RNF43: variants seen among roughly 807,000 people sequenced by gnomAD.
The protein encoded by RNF43 is ring finger protein 43, also known as E3 ubiquitin-protein ligase RNF43.
A neutral mutation model predicts 78.4 loss-of-function variants in RNF43; 37 were observed. That is an observed-to-expected ratio of 0.47 (90% confidence interval 0.36 to 0.62). The LOEUF is 0.62. RNF43 is among the 20% of genes least tolerant of loss of function. The pLI, the probability that RNF43 is intolerant of heterozygous loss-of-function variation, is 0.00. For missense variants in RNF43, 774 were observed against 1,007.9 expected, an observed-to-expected ratio of 0.77 and a Z score of 3.14; for synonymous variants, 347 against 395.0, an observed-to-expected ratio of 0.88 and a Z score of 1.44.
At chr17:58,402,097 G>A (rs1041807545) in intron 2 of RNF43, among the ~76,000 whole-genome samples, 4 of 152,154 alleles carry the variant, frequency 2.6e-5, no homozygotes, top group African/African-American at 9.7e-5. Flanking sequence ...ATAGACAATT[G>A]ATTATTTTTA....
At chr17:58,377,964 G>C (rs1038699830) in intron 2 of RNF43, among the ~76,000 whole-genome samples, 1 of 152,036 alleles carries the variant, frequency 6.6e-6, no homozygotes, top group Non-Finnish European at 1.5e-5. Context: ...GCAGATATGG[G>C]GGTGGGAAAA....
At position 58,354,492 on chromosome 17, in the gene RNF43, C is replaced by A. The variant is rs975700184; in HGVS notation, c.*451G>T. 3.6e-6 allele frequency: 1 copy of A among 274,472 alleles called. No homozygotes were observed. Among genetic ancestry groups the A allele is most frequent in the East Asian group, 5.1e-5 (1 of 19,506 alleles). The allele number at this position is 274,472 out of a possible 1,614,324, so 17.0% of individuals were successfully genotyped here. On this transcript the variant is annotated 3_prime_UTR_variant, in exon 10 of 10. Transcript: ENST00000407977. Reference sequence around the variant, plus strand: ...GGCCAAAGCTGGTGTTCAGAGCTCACCCAAGGAGGGAGGTGATAAGGTGTC... The same window carrying A: ...GGCCAAAGCTGGTGTTCAGAGCTCAACCAAGGAGGGAGGTGATAAGGTGTC...
At position 58,357,331 on chromosome 17, in the gene RNF43, G is replaced by T. The variant is rs766391168; in HGVS notation, c.2308+137C>A. The T allele has an allele frequency of 7.3e-6, 8 of 1,097,184 alleles. No individual in the cohort carries two copies. Among genetic ancestry groups the T allele is most frequent in the Middle Eastern group, 1.9e-4 (1 of 5,130 alleles). 68.0% of individuals were successfully genotyped at this position (1,097,184 alleles called of 1,614,324 possible). ...GCCAGCATGATACGCTGTCCCGATGGTTAAGTATTTTGGTTGTCATCTCTG... is the reference window on the plus strand; with the variant it reads ...GCCAGCATGATACGCTGTCCCGATGTTTAAGTATTTTGGTTGTCATCTCTG... On this transcript the variant is annotated intron_variant, in intron 9 of 9. Transcript: ENST00000407977. This position sits in a 1 kb window ranked among gnomAD's most constrained non-coding sequence, Gnocchi z 4.5.
chr17:58,378,225 T>C (rs1660779812), intron 2 of RNF43, among the ~76,000 whole-genome samples: 1 of 152,144 alleles, frequency 6.6e-6, no homozygotes, highest in Admixed American at 6.6e-5. Flanking sequence ...GCTGGGGAAT[T>C]GTCGAGAGGA....
rs2143449168 is a variant in RNF43 at position 58,360,973 on chromosome 17, G to A, written c.688-29C>T. 2 of 1,514,770 alleles carry A rather than the reference G, an allele frequency of 1.3e-6. No individual in the cohort carries two copies. Among genetic ancestry groups the A allele is most frequent in the South Asian group, 2.6e-5 (2 of 75,898 alleles). The allele number at this position is 1,514,770 out of a possible 1,614,324, so 93.8% of individuals were successfully genotyped here. A position where few individuals can be genotyped will look rare whatever the true frequency, so the allele number is the denominator to read the frequency against. The stretch of plus-strand genomic sequence containing the variant: ...GGAAGAGGAATGGGGCTCAGATTGG[G>A]GCATGGGCTCCCCTTCCCTCCCTCT... On this transcript the variant is annotated intron_variant, in intron 6 of 9. Coordinates refer to ENST00000407977, the MANE Select transcript of RNF43 (RefSeq NM_017763.6). This position sits in a 1 kb window ranked among gnomAD's most constrained non-coding sequence, Gnocchi z 4.3.
chr17:58,382,406 G>C (rs552540323), intron 2 of RNF43, among the ~76,000 whole-genome samples: 1 of 152,282 alleles, frequency 6.6e-6, no homozygotes, highest in East Asian at 1.9e-4. Context: ...ATCAGGATAT[G>C]ATTATTTTCA....
intron 3 of RNF43, among the ~76,000 whole-genome samples, chr17:58,364,816 C>T (rs1972915445): frequency 6.6e-6 from 1 of 152,248 alleles, no homozygotes; most frequent in Admixed American, 6.5e-5. Context: ...ACTTTGATCT[C>T]TGCCTGTCTT....
intron 2 of RNF43, among the ~76,000 whole-genome samples, chr17:58,379,132 C>T (rs572887677): frequency 1.1e-4 from 16 of 152,140 alleles, no homozygotes; most frequent in Non-Finnish European, 8.8e-5. Flanking sequence ...ACACTGCCTC[C>T]GGGTATGCAC....
intron 6 of RNF43, 138 bp from the exon 7 acceptor site, chr17:58,361,082 G>C: frequency 1.2e-6 from 1 of 849,264 alleles, no homozygotes; most frequent in Non-Finnish European, 1.7e-6. Context: ...CGTCTCCTCG[G>C]AGCTCATATG....
intron 2 of RNF43, among the ~76,000 whole-genome samples, chr17:58,384,490 AGATT>A (rs1276799230): frequency 2.0e-5 from 3 of 152,232 alleles, no homozygotes; most frequent in African/African-American, 7.2e-5. Context: ...CCCTAAATTA[AGATT>A]ATTATTCAGC....
At chr17:58,387,272 A>T (rs1006438094) in intron 2 of RNF43, among the ~76,000 whole-genome samples, 1 of 152,136 alleles carries the variant, frequency 6.6e-6, no homozygotes, top group Non-Finnish European at 1.5e-5. Context: ...AGATATCATA[A>T]TTGGGCAGCT....
At chr17:58,393,723 C>T (rs937719643) in intron 2 of RNF43, among the ~76,000 whole-genome samples, 2 of 152,206 alleles carry the variant, frequency 1.3e-5, no homozygotes, top group African/African-American at 4.8e-5. Flanking sequence ...CAGATCATAA[C>T]TCATGTGCAT....
chr17:58,383,234 T>C (rs183808702), intron 2 of RNF43, among the ~76,000 whole-genome samples: 180 of 152,290 alleles, frequency 1.2e-3, no homozygotes, highest in Non-Finnish European at 1.9e-3. Context: ...ATTACATTTT[T>C]CCCCCGTCCT....
chr17:58,371,768 C>G (rs1040622863), intron 2 of RNF43, among the ~76,000 whole-genome samples: 1 of 152,238 alleles, frequency 6.6e-6, no homozygotes, highest in Non-Finnish European at 1.5e-5. Context: ...CCCATCTGCT[C>G]TAAGGGCAGA....
chr17:58,415,472 C>T lies in RNF43; in HGVS notation c.106G>A (p.Val36Met), dbSNP rs777807860. The T allele has an allele frequency of 6.2e-7, 1 of 1,613,998 alleles. No homozygotes were observed. Among genetic ancestry groups the T allele is most frequent in the East Asian group, 2.2e-5 (1 of 44,886 alleles). The part of the protein sequence containing the change: ...GRTGLVLAAA[V>M]ESERSAEQKA... ...TGTTCTGCTGATCTTTCAGACTCCACCGCTGCTGCCAGTACCAGTCCTGTG... is the reference window on the plus strand; with the variant it reads ...TGTTCTGCTGATCTTTCAGACTCCATCGCTGCTGCCAGTACCAGTCCTGTG... Residue 36 changes from valine to methionine, a missense_variant, in exon 2 of 10, where the codon GTG becomes ATG. Transcript: ENST00000407977.
chr17:58,389,254 G>C (rs1209805411), intron 2 of RNF43, among the ~76,000 whole-genome samples: 1 of 152,154 alleles, frequency 6.6e-6, no homozygotes, highest in African/African-American at 2.4e-5. Flanking sequence ...GAAAGTACTT[G>C]ACAGATTGGA....
intron 2 of RNF43, among the ~76,000 whole-genome samples, chr17:58,389,142 G>A (rs1426504600): frequency 6.6e-6 from 1 of 152,160 alleles, no homozygotes; most frequent in African/African-American, 2.4e-5. Context: ...ATCAATTAGA[G>A]AGCTGTTCCA....
intron 2 of RNF43, among the ~76,000 whole-genome samples, chr17:58,380,068 C>T (rs1973281157): frequency 6.6e-6 from 1 of 152,124 alleles, no homozygotes; most frequent in Admixed American, 6.6e-5. Context: ...TAAAAGATAA[C>T]CCAGTCATGT....
At chr17:58,393,183 G>T (rs1158164119) in intron 2 of RNF43, among the ~76,000 whole-genome samples, 1 of 152,158 alleles carries the variant, frequency 6.6e-6, no homozygotes, top group East Asian at 1.9e-4. Flanking sequence ...CAAGGTGGGT[G>T]GATCACCTGA....
Sources: gnomAD v4.1 joint callset for allele counts (sites outside exome capture counted in the v4.1 genomes callset) on GRCh38, gnomAD v4.1.1 for gene constraint, Gnocchi (gnomAD v3.1) non-coding constraint, MANE v1.5 for transcripts, NCBI Gene and HGNC (gene_info 2026-07-23, HGNC 2026-07-21) for gene names.